Variants in FAM114A1 observed in about 807,000 individuals in gnomAD.
The protein encoded by FAM114A1 is protein NOXP20.
Under a neutral mutation model 64.3 loss-of-function variants are expected in FAM114A1, and 62 were observed. The observed-to-expected ratio is 0.96, with a 90% CI of 0.79 to 1.19. The LOEUF (loss-of-function observed/expected upper bound fraction) is 1.19. FAM114A1 is among the 50% of genes most tolerant of loss of function. FAM114A1 has a pLI of 0.00. For missense variants in FAM114A1, 645 were observed against 676.3 expected, an observed-to-expected ratio of 0.95 and a Z score of 0.51; for synonymous variants, 254 against 251.1, an observed-to-expected ratio of 1.01 and a Z score of -0.11.
chr4:38,901,259 CAG>C (rs1388635353), intron 4 of FAM114A1, among the ~76,000 whole-genome samples: 1 of 152,036 alleles, frequency 6.6e-6, no homozygotes, highest in Non-Finnish European at 1.5e-5. Context: ...ACCACTTGGT[CAG>C]AGAGAACTTC....
intron 8 of FAM114A1, among the ~76,000 whole-genome samples, chr4:38,921,752 T>C (rs1444759933): frequency 6.6e-6 from 1 of 152,220 alleles, no homozygotes; most frequent in African/African-American, 2.4e-5. Context: ...CCTCCTCTCA[T>C]GCCTGTCATA....
intron 4 of FAM114A1, among the ~76,000 whole-genome samples, chr4:38,903,685 A>T (rs1187677434): frequency 6.6e-6 from 1 of 152,182 alleles, no homozygotes; most frequent in African/African-American, 2.4e-5. Flanking sequence ...CTTGAAATTC[A>T]TTGGACGCTA....
At chr4:38,904,342 A>C (rs1351715867) in intron 4 of FAM114A1, among the ~76,000 whole-genome samples, 1 of 152,212 alleles carries the variant, frequency 6.6e-6, no homozygotes, top group Non-Finnish European at 1.5e-5. Flanking sequence ...GAAGGCCTCA[A>C]AGGGAGGAAA....
At chr4:38,882,894 G>A (rs983920677) in intron 3 of FAM114A1, among the ~76,000 whole-genome samples, 2 of 152,234 alleles carry the variant, frequency 1.3e-5, no homozygotes, top group African/African-American at 4.8e-5. Context: ...CAGGTGGCCA[G>A]AGTCAAGGAG....
intron 3 of FAM114A1, among the ~76,000 whole-genome samples, chr4:38,891,105 A>G (rs1292526832): frequency 1.3e-5 from 2 of 152,180 alleles, no homozygotes; most frequent in Non-Finnish European, 1.5e-5. Context: ...TCCAATTCCA[A>G]AAACCTAGGC....
At chr4:38,902,767 A>G (rs1297922521) in intron 4 of FAM114A1, among the ~76,000 whole-genome samples, 1 of 152,136 alleles carries the variant, frequency 6.6e-6, no homozygotes, top group African/African-American at 2.4e-5. Context: ...ACTGTACCCT[A>G]TAGTATTATT....
chr4:38,870,096 A>G (rs1404787335), intron 2 of FAM114A1, among the ~76,000 whole-genome samples: 1 of 152,184 alleles, frequency 6.6e-6, no homozygotes, highest in Non-Finnish European at 1.5e-5. Context: ...ACAAAGGGAT[A>G]CTGGGACCAG....
Position 38,868,537 on chromosome 4 carries a change from C to T in FAM114A1, c.-18C>T, listed in dbSNP as rs1713698338. ...CCACCCAGTCGGCTAGCCCTCGCCT[C>T]TGCCATCCGGTGAGTATTTCCAGGC... On this transcript the variant is annotated 5_prime_UTR_variant, in exon 2 of 15. Coordinates refer to ENST00000358869, the MANE Select transcript of FAM114A1 (RefSeq NM_138389.4). 6.5e-6 allele frequency: 1 copy of T among 152,714 alleles called. No individual in the cohort carries two copies. Among genetic ancestry groups the T allele is most frequent in the African/African-American group, 2.4e-5 (1 of 41,476 alleles). 9.5% of individuals were successfully genotyped at this position (152,714 alleles called of 1,614,324 possible).
intron 8 of FAM114A1, among the ~76,000 whole-genome samples, chr4:38,918,224 CA>C (rs1229454999): frequency 1.3e-5 from 2 of 152,016 alleles, no homozygotes; most frequent in Non-Finnish European, 2.9e-5. Flanking sequence ...AACTCCGTCT[CA>C]AAAAACATAA....
intron 3 of FAM114A1, among the ~76,000 whole-genome samples, chr4:38,884,541 T>A (rs1715609458): frequency 6.6e-6 from 1 of 152,232 alleles, no homozygotes; most frequent in African/African-American, 2.4e-5. Flanking sequence ...TTTTGCTTTT[T>A]AAATAGATTA....
At chr4:38,904,178 A>AT (rs1482211440) in intron 4 of FAM114A1, among the ~76,000 whole-genome samples, 1 of 151,926 alleles carries the variant, frequency 6.6e-6, no homozygotes, top group Non-Finnish European at 1.5e-5. Context: ...GAAATCTTTC[A>AT]TTTTCTCCGT....
intron 7 of FAM114A1, among the ~76,000 whole-genome samples, chr4:38,909,465 A>G (rs1158642266): frequency 1.3e-5 from 2 of 152,228 alleles, no homozygotes; most frequent in African/African-American, 2.4e-5. Flanking sequence ...AAAGTTTTCC[A>G]GCCCTTCTTG....
chr4:38,905,892 C>G, intron 6 of FAM114A1, 31 bp downstream of exon 6: 4 of 1,578,168 alleles, frequency 2.5e-6, no homozygotes, highest in Non-Finnish European at 3.4e-6. Context: ...TCTCTTTCCC[C>G]TGTATTTCCC....
intron 4 of FAM114A1, among the ~76,000 whole-genome samples, chr4:38,896,242 A>G (rs1429452912): frequency 6.6e-6 from 1 of 152,170 alleles, no homozygotes; most frequent in East Asian, 1.9e-4. Flanking sequence ...GTTCATCACC[A>G]CTGATCATCA....
At chr4:38,923,413 G>A (rs1454546943) in intron 9 of FAM114A1, among the ~76,000 whole-genome samples, 2 of 151,974 alleles carry the variant, frequency 1.3e-5, no homozygotes, top group Non-Finnish European at 2.9e-5. Context: ...AGTAGAGACG[G>A]GGTTTCACTA....
intron 13 of FAM114A1, chr4:38,938,697 A>G (rs989235924): frequency 1.3e-5 from 2 of 152,094 alleles, no homozygotes; most frequent in Non-Finnish European, 1.5e-5. Context: ...CCCTCTTGTT[A>G]CCCTTTTCAC....
chr4:38,890,535 C>T (rs554170872), intron 3 of FAM114A1, among the ~76,000 whole-genome samples: 27 of 152,202 alleles, frequency 1.8e-4, no homozygotes, highest in African/African-American at 4.1e-4. Flanking sequence ...TCTTTCTGCC[C>T]GCCCTTCCTT....
At chr4:38,907,093 C>G (rs1718082233) in intron 6 of FAM114A1, among the ~76,000 whole-genome samples, 1 of 152,148 alleles carries the variant, frequency 6.6e-6, no homozygotes, top group Non-Finnish European at 1.5e-5. Context: ...GGATCTCACC[C>G]AGACCTTGGG....
intron 3 of FAM114A1, among the ~76,000 whole-genome samples, chr4:38,887,816 C>CA (rs1715963406): frequency 6.6e-6 from 1 of 152,160 alleles, no homozygotes; most frequent in Admixed American, 6.5e-5. Context: ...GATATTTTGA[C>CA]AAGAGTTTCA....
Sources: gnomAD v4.1 joint callset for allele counts (sites outside exome capture counted in the v4.1 genomes callset) on GRCh38, gnomAD v4.1.1 for gene constraint, MANE v1.5 for transcripts, NCBI Gene and HGNC (gene_info 2026-07-23, HGNC 2026-07-21) for gene names.